Variants in PCDHGB1 observed in about 807,000 individuals in gnomAD.
The protein encoded by PCDHGB1 is protocadherin gamma-B1.
Under a neutral mutation model 56.6 loss-of-function variants are expected in PCDHGB1, and 34 were observed. The observed-to-expected ratio is 0.60, with a 90% CI of 0.46 to 0.80. The LOEUF (loss-of-function observed/expected upper bound fraction) is 0.80. Among genes scored for constraint, PCDHGB1 ranks in the 30% least tolerant of loss-of-function variants. The pLI is 0.00. For missense variants in PCDHGB1, 1,278 were observed against 1,204.6 expected, an observed-to-expected ratio of 1.06 and a Z score of -0.90; for synonymous variants, 561 against 505.9, an observed-to-expected ratio of 1.11 and a Z score of -1.46.
chr5:141,463,535 G>A (rs1178825067), intron 1 of PCDHGB1, among the ~76,000 whole-genome samples: 4 of 137,928 alleles, frequency 2.9e-5, no homozygotes, highest in East Asian at 2.3e-4. Context: ...TAGAAACTCC[G>A]GCTCCCGGGT....
At chr5:141,355,743 C>T (rs750434737) in intron 1 of PCDHGB1, 2 of 1,613,960 alleles carry the variant, frequency 1.2e-6, no homozygotes, top group Non-Finnish European at 1.7e-6. Flanking sequence ...TTTCCCTGGA[C>T]GTGCAAAGTG....
chr5:141,433,850 A>C (rs899643386), intron 1 of PCDHGB1, among the ~76,000 whole-genome samples: 2 of 151,896 alleles, frequency 1.3e-5, no homozygotes, highest in East Asian at 3.9e-4. Flanking sequence ...AAAAAAAAAA[A>C]AAAAACTTTA....
At chr5:141,404,647 T>C (rs764645495) in intron 1 of PCDHGB1, 20 of 1,614,190 alleles carry the variant, frequency 1.2e-5, no homozygotes, top group Admixed American at 1.7e-5. Context: ...TCCTGTACCC[T>C]GCCCTCCCCA....
chr5:141,509,719 C>G (rs2099877973), intron 3 of PCDHGB1, among the ~76,000 whole-genome samples: 1 of 152,152 alleles, frequency 6.6e-6, no homozygotes, highest in Non-Finnish European at 1.5e-5. Flanking sequence ...TGTCTGATGT[C>G]ACCTAGCTGT....
At chr5:141,395,110 GTCACCTGATCTT>G in intron 1 of PCDHGB1, 2 of 1,614,214 alleles carry the variant, frequency 1.2e-6, no homozygotes, top group African/African-American at 1.3e-5. Flanking sequence ...TCGCGGAAGA[GTCACCTGATCTT>G]TCCCCAGCCC....
At chr5:141,409,200 T>A in intron 1 of PCDHGB1, 1 of 1,614,020 alleles carries the variant, frequency 6.2e-7, no homozygotes, top group Non-Finnish European at 8.5e-7. Flanking sequence ...CAGTGTAAAG[T>A]AATCATAGAA....
intron 1 of PCDHGB1, chr5:141,427,650 G>A (rs1352503291): frequency 1.4e-6 from 1 of 718,312 alleles, no homozygotes; most frequent in Admixed American, 2.0e-5. Flanking sequence ...AGTCTCCTAC[G>A]TGGTCCACGT....
rs751345684 is a variant in PCDHGB1 at position 141,398,995 on chromosome 5, C to G, written c.2409+46326C>G. ...CTACAGAACCGGGCAAATCTTTAGT[C>G]TGAATTCAAAGAGCGGAGAAATTAC... On this transcript the variant is annotated intron_variant, in intron 1 of 3. Transcript: ENST00000523390. 2.5e-5 allele frequency: 41 copies of G among 1,613,782 alleles called. No homozygotes were observed. The East Asian group carries it at 8.7e-4, about 34-fold the overall frequency.
Position 141,431,145 on chromosome 5 carries a change from A to G in PCDHGB1, c.2410-63662A>G. The G allele has an allele frequency of 1.2e-6, 2 of 1,614,244 alleles. No homozygotes were observed. Among genetic ancestry groups the G allele is most frequent in the Non-Finnish European group, 1.7e-6 (2 of 1,180,042 alleles). On this transcript the variant is annotated intron_variant, in intron 1 of 3. Transcript: ENST00000523390. The surrounding 1 kb of genome is among the most constrained non-coding windows in gnomAD (Gnocchi z 4.8). ...GTAGAAGTAAGGGACATTAACGACA[A>G]TGCGCCTTACTTTCGTGAAAGTGAA... is the stretch of plus-strand genomic sequence containing the variant.
rs772962568 is a variant in PCDHGB1, at chr5:141,476,311, G to A, written c.2410-18496G>A. The stretch of plus-strand genomic sequence containing the variant: ...ATCTCGGTAGCCTCTCAGCCCGCAG[G>A]TTCCGGGTGGTGTCTGGAGCTAGCC... On this transcript the variant is annotated intron_variant, in intron 1 of 3. Transcript: ENST00000523390. The surrounding 1 kb of genome is among the most constrained non-coding windows in gnomAD (Gnocchi z 7.6). 13 of 1,613,680 alleles carry A rather than the reference G, an allele frequency of 8.1e-6. No individual in the cohort carries two copies. The African/African-American group carries it at 1.5e-4, about 18-fold the overall frequency.
chr5:141,492,285 A>T (rs2099739112), intron 1 of PCDHGB1, among the ~76,000 whole-genome samples: 1 of 152,132 alleles, frequency 6.6e-6, no homozygotes, highest in African/African-American at 2.4e-5. Flanking sequence ...CGCCCCGCCA[A>T]CACGTGCGCG....
intron 1 of PCDHGB1, chr5:141,395,200 A>G: frequency 6.2e-7 from 1 of 1,613,768 alleles, no homozygotes; most frequent in Non-Finnish European, 8.5e-7. Flanking sequence ...ACATCCGTAG[A>G]TTTTCATGAA....
chr5:141,490,331 C>G lies in PCDHGB1; in HGVS notation c.2410-4476C>G. 6.2e-7 allele frequency: 1 copy of G among 1,614,214 alleles called. No individual in the cohort carries two copies. The highest frequency in any genetic ancestry group is 1.1e-5 in the South Asian group (1 of 91,086). The stretch of plus-strand genomic sequence containing the variant: ...GCCAACCCTGTCCTAGAGAGCACAC[C>G]AGTGGGCACAGTAGTGGGGTTGTTT... On this transcript the variant is annotated intron_variant, in intron 1 of 3. Transcript: ENST00000523390. This position sits in a 1 kb window ranked among gnomAD's most constrained non-coding sequence, Gnocchi z 5.4.
intron 1 of PCDHGB1, chr5:141,415,585 C>T: frequency 6.2e-7 from 1 of 1,613,900 alleles, no homozygotes; most frequent in Non-Finnish European, 8.5e-7. Context: ...TTCGAAGTTT[C>T]CTATAGAGGA....
chr5:141,443,827 G>A (rs1425599112), intron 1 of PCDHGB1, among the ~76,000 whole-genome samples: 1 of 152,054 alleles, frequency 6.6e-6, no homozygotes, highest in African/African-American at 2.4e-5. Context: ...ACATAATTAG[G>A]TAAAATGGGT....
chr5:141,400,538 A>C (rs994052728), intron 1 of PCDHGB1: 5 of 1,613,662 alleles, frequency 3.1e-6, no homozygotes, highest in Non-Finnish European at 4.2e-6. Context: ...AGTTTCATTT[A>C]TGTCTATTCT....
chr5:141,480,021 C>G (rs1415230863), intron 1 of PCDHGB1, among the ~76,000 whole-genome samples: 1 of 152,208 alleles, frequency 6.6e-6, no homozygotes, highest in Non-Finnish European at 1.5e-5. Context: ...AATCTCCTTT[C>G]TAAGCCTCTT....
chr5:141,396,042 A>G (rs2093337325), intron 1 of PCDHGB1: 2 of 152,260 alleles, frequency 1.3e-5, no homozygotes, highest in Non-Finnish European at 2.9e-5. Context: ...ACATATTTCA[A>G]TACAATTCCA....
chr5:141,421,586 T>A (rs750525078), intron 1 of PCDHGB1: 2 of 1,613,602 alleles, frequency 1.2e-6, no homozygotes, highest in Admixed American at 3.3e-5. Context: ...ATTTACGGAG[T>A]GGAGGTGGAA....
Sources: allele counts gnomAD v4.1 joint callset (sites outside exome capture counted in the v4.1 genomes callset), GRCh38; gene constraint gnomAD v4.1.1; non-coding constraint Gnocchi (gnomAD v3.1); transcripts MANE v1.5; gene names NCBI Gene and HGNC (gene_info 2026-07-23, HGNC 2026-07-21).